The following MTSS2 variants were observed in gnomAD, a reference collection of about 807,000 sequenced individuals.
MTSS2 encodes MTSS I-BAR domain containing 2.
A neutral mutation model predicts 67.1 loss-of-function variants in MTSS2; 27 were observed. The ratio of observed to expected loss-of-function variants is 0.40; its 90% confidence interval spans 0.30 to 0.55. MTSS2 has a LOEUF of 0.55. Ranked by LOEUF, MTSS2 falls within the 20% of genes least tolerant of loss-of-function variation. The pLI is 0.43. For synonymous variants in MTSS2, 624 were observed against 468.6 expected (o/e 1.33, Z -4.28); for missense variants, 1,171 against 1,067.8 (o/e 1.10, Z -1.35).
At chr16:70,677,958 C>A (rs570954875) in intron 8 of MTSS2, 59 bp from the exon 9 acceptor site, 37 of 1,381,024 alleles carry the variant, frequency 2.7e-5, no homozygotes, top group Middle Eastern at 1.8e-4. Context: ...GCCTGCCCAG[C>A]GCCCCTGGAG....
rs551681033 is a variant in MTSS2 at position 70,674,598 on chromosome 16, T to C, written c.831-70A>G. On this transcript the variant is annotated intron_variant, in intron 10 of 14. Transcript: ENST00000338779. Reference sequence around the variant, plus strand: ...AGAGGGGTGTGTGTTTGGGGGAGGTTGACAAACGAGGGTGGGGAAAGAGGT... The same window carrying C: ...AGAGGGGTGTGTGTTTGGGGGAGGTCGACAAACGAGGGTGGGGAAAGAGGT... The C allele has an allele frequency of 8.2e-4, 1,141 of 1,397,486 alleles. 12 individuals are homozygous for C. In the South Asian group the frequency reaches 0.013, roughly 16 times the overall value. The allele number at this position is 1,397,486 out of a possible 1,614,324, so 86.6% of individuals were successfully genotyped here. A position where few individuals can be genotyped will look rare whatever the true frequency, so the allele number is the denominator to read the frequency against.
At chr16:70,675,659 G>A (rs545173117) in intron 10 of MTSS2, among the ~76,000 whole-genome samples, 20 of 152,228 alleles carry the variant, frequency 1.3e-4, no homozygotes, top group African/African-American at 3.9e-4. Context: ...CTCGTGATCC[G>A]CCTGCCTCGG....
chr16:70,675,627 AGGAT>A (rs984898817), intron 10 of MTSS2, among the ~76,000 whole-genome samples: 2 of 152,164 alleles, frequency 1.3e-5, no homozygotes, highest in Non-Finnish European at 2.9e-5. Context: ...CGTTTTTACC[AGGAT>A]GGTCTCAATC....
In MTSS2 at chr16:70,664,075, C is replaced by G. The variant is rs149894515; in HGVS notation, c.1846G>C (p.Val616Leu). ...GPTRAGSEEC[V>L]FYTDETASPL... is the part of the protein sequence containing the mutation. ...GAGGCGGTCTCGTCGGTATAGAAGA[C>G]GCACTCCTCACTGCCCGCCCGTGTG... The change falls in exon 15 of 15, where the codon GTC (valine) becomes CTC (leucine). Residue 616 changes from valine to leucine, a missense_variant. By Grantham distance (32) the Val-to-Leu change is conservative. Around this residue, in one of 2 missense-constraint regions of MTSS2, gnomAD observed 924 missense variants for 756.0 expected, o/e 1.22. Coordinates refer to ENST00000338779, the MANE Select transcript of MTSS2 (RefSeq NM_138383.3). The G allele has an allele frequency of 2.4e-5, 38 of 1,611,578 alleles. No individual in the cohort carries two copies. The highest frequency in any genetic ancestry group is 3.1e-5 in the Non-Finnish European group (36 of 1,179,532).
intron 1 of MTSS2, among the ~76,000 whole-genome samples, chr16:70,682,343 A>G (rs1255081566): frequency 2.0e-5 from 3 of 152,130 alleles, no homozygotes; most frequent in Admixed American, 2.0e-4. Context: ...CTATGCCTGG[A>G]GTACCCCTTG....
chr16:70,684,612 T>TG (rs1177331542), intron 1 of MTSS2, among the ~76,000 whole-genome samples: 5 of 151,200 alleles, frequency 3.3e-5, no homozygotes, highest in Non-Finnish European at 7.4e-5. Flanking sequence ...GTTGTGCACT[T>TG]GGAGAATCTG....
Position 70,685,786 on chromosome 16 carries a change from C to T in MTSS2, c.6G>A (p.Glu2=). Residue 2 remains glutamate, a synonymous_variant, in exon 1 of 15, where the codon GAG becomes GAA. Coordinates refer to ENST00000338779, the MANE Select transcript of MTSS2 (RefSeq NM_138383.3). ...GGGCGCCGCACTCCTTCTCCGCCGT[C>T]TCCATGCTCTGGCTGGGCCGGGCCG... is the stretch of plus-strand genomic sequence containing the variant. M[E]TAEKECGALG... is the part of the protein sequence containing the mutation. 2.2e-6 allele frequency: 3 copies of T among 1,368,686 alleles called. No individual in the cohort carries two copies. The highest frequency in any genetic ancestry group is 2.9e-6 in the Non-Finnish European group (3 of 1,041,194). 84.8% of individuals were successfully genotyped at this position (1,368,686 alleles called of 1,614,324 possible). A position where few individuals can be genotyped will look rare whatever the true frequency, so the allele number is the denominator to read the frequency against.
chr16:70,673,417 T>C (rs1026805927), intron 11 of MTSS2, among the ~76,000 whole-genome samples: 1 of 152,176 alleles, frequency 6.6e-6, no homozygotes, highest in Non-Finnish European at 1.5e-5. Context: ...ACCTTCACAG[T>C]GTGGATGGAA....
At chr16:70,672,861 A>G (rs1320580117) in intron 11 of MTSS2, among the ~76,000 whole-genome samples, 2 of 152,144 alleles carry the variant, frequency 1.3e-5, no homozygotes, top group African/African-American at 4.8e-5. Context: ...TCAAAGTGGA[A>G]GTAAAGAGAT....
intron 11 of MTSS2, among the ~76,000 whole-genome samples, chr16:70,668,534 C>T (rs1023380503): frequency 7.9e-5 from 12 of 152,276 alleles, no homozygotes; most frequent in Admixed American, 3.3e-4. Flanking sequence ...CACACACCTA[C>T]AGACACCTGA....
At chr16:70,685,367 C>T (rs1053161014) in intron 1 of MTSS2, among the ~76,000 whole-genome samples, 15 of 152,102 alleles carry the variant, frequency 9.9e-5, no homozygotes, top group Non-Finnish European at 2.1e-4. Context: ...TGGAAGGGGG[C>T]GGAGGCCGGT....
Position 70,680,021 on chromosome 16 carries a change from G to A in MTSS2, c.240C>T (p.Arg80=). ...CGATGCTGCGGTGGCGCATGCACATGCGTGTGAGCGCCGAGCCGATGTCCC... is the reference window on the plus strand; with the variant it reads ...CGATGCTGCGGTGGCGCATGCACATACGTGTGAGCGCCGAGCCGATGTCCC... ...ATRDIGSALT[R]MCMRHRSIET... The change falls in exon 4 of 15, where the codon CGC becomes CGT. Residue 80 remains arginine, a synonymous_variant. Transcript: ENST00000338779. 1.3e-6 allele frequency: 2 copies of A among 1,537,386 alleles called. No homozygotes were observed. The highest frequency in any genetic ancestry group is 1.4e-5 in the African/African-American group (1 of 71,160).
chr16:70,664,243 C>G lies in MTSS2; in HGVS notation c.1678G>C (p.Gly560Arg), dbSNP rs772255982. Residue 560 changes from glycine to arginine, a missense_variant, in exon 15 of 15, where the codon GGC (glycine) becomes CGC (arginine). Around this residue, in one of 2 missense-constraint regions of MTSS2, gnomAD observed 924 missense variants for 756.0 expected, o/e 1.22. Coordinates refer to ENST00000338779, the MANE Select transcript of MTSS2 (RefSeq NM_138383.3). Reference sequence around the variant, plus strand: ...GGTGTGCGGCGGATGGTGGCCACGCCGGGGGGTGCGCCCGAGGGCAGGCCA... The same window carrying G: ...GGTGTGCGGCGGATGGTGGCCACGCGGGGGGGTGCGCCCGAGGGCAGGCCA... ...ATGLPSGAPP[G>R]VATIRRTPST... The G allele has an allele frequency of 7.0e-6, 11 of 1,564,902 alleles. No individual in the cohort carries two copies. Among genetic ancestry groups the G allele is most frequent in the African/African-American group, 1.3e-5 (1 of 74,128 alleles).
intron 1 of MTSS2, among the ~76,000 whole-genome samples, chr16:70,681,750 C>T (rs994752846): frequency 1.3e-5 from 2 of 152,256 alleles, no homozygotes; most frequent in South Asian, 2.1e-4. Context: ...TGGCCCAAGG[C>T]TCCAAGTTGG....
At chr16:70,672,614 A>ATTAT (rs1179429245) in intron 11 of MTSS2, among the ~76,000 whole-genome samples, 1 of 151,290 alleles carries the variant, frequency 6.6e-6, no homozygotes, top group Non-Finnish European at 1.5e-5. Flanking sequence ...CAAGTCTAAA[A>ATTAT]TTATTTCAAA....
At chr16:70,665,707 GTC>G in intron 11 of MTSS2, 167 bp from the exon 12 acceptor site, 1 of 587,406 alleles carries the variant, frequency 1.7e-6, no homozygotes. Flanking sequence ...GCCGCTGAGT[GTC>G]TGCAGCAGCA....
At chr16:70,665,612 A>G (rs966068400) in intron 11 of MTSS2, 72 bp from the exon 12 acceptor site, 2 of 1,354,034 alleles carry the variant, frequency 1.5e-6, no homozygotes, top group African/African-American at 2.9e-5. Flanking sequence ...AGGAGAGAAC[A>G]GTTTTGGTCA....
intron 10 of MTSS2, among the ~76,000 whole-genome samples, chr16:70,675,376 T>C (rs1237285369): frequency 6.6e-6 from 1 of 152,152 alleles, no homozygotes; most frequent in Non-Finnish European, 1.5e-5. Context: ...TGAGCCATGA[T>C]TGTGCCACTG....
chr16:70,675,519 T>C (rs555334114), intron 10 of MTSS2, among the ~76,000 whole-genome samples: 2 of 152,324 alleles, frequency 1.3e-5, no homozygotes, highest in South Asian at 4.1e-4. Context: ...TATATCTTTA[T>C]CACTGAGGCC....
Sources: gnomAD v4.1 joint callset for allele counts (sites outside exome capture counted in the v4.1 genomes callset) on GRCh38, gnomAD v4.1.1 for gene constraint, gnomAD v4.1.1 regional missense constraint, MANE v1.5 for transcripts, NCBI Gene and HGNC (gene_info 2026-07-23, HGNC 2026-07-21) for gene names.